The following SSH2 variants were observed in gnomAD, a reference collection of about 807,000 sequenced individuals.
SSH2 encodes the protein slingshot protein phosphatase 2, also known as protein phosphatase Slingshot homolog 2.
In SSH2, 37 loss-of-function variants were observed where a neutral mutation model predicts 135.2. That is an observed-to-expected ratio of 0.27 (90% CI 0.21 to 0.36). The LOEUF (loss-of-function observed/expected upper bound fraction) is 0.36. Among genes scored for constraint, SSH2 ranks in the 10% least tolerant of loss-of-function variants. The probability of loss-of-function intolerance (pLI) is 1.00; values close to 1 mark genes in which losing one functional copy is unlikely to be tolerated. For synonymous variants in SSH2, 628 were observed against 646.2 expected, an observed-to-expected ratio of 0.97 and a Z score of 0.43; for missense variants, 1,408 against 1,765.3, an observed-to-expected ratio of 0.80 and a Z score of 3.63.
At chr17:29,683,576 T>C (rs1426378298) in intron 6 of SSH2, among the ~76,000 whole-genome samples, 1 of 152,082 alleles carries the variant, frequency 6.6e-6, no homozygotes, top group East Asian at 1.9e-4. Flanking sequence ...CTGGGACTAC[T>C]GGTATACTAC....
intron 3 of SSH2, among the ~76,000 whole-genome samples, chr17:29,791,507 A>C (rs1444587369): frequency 1.3e-5 from 2 of 152,246 alleles, no homozygotes; most frequent in African/African-American, 4.8e-5. Flanking sequence ...ACAAACTGAC[A>C]AGATGAGTTC....
chr17:29,706,212 T>G (rs1392888316), intron 3 of SSH2, among the ~76,000 whole-genome samples: 1 of 152,230 alleles, frequency 6.6e-6, no homozygotes, highest in African/African-American at 2.4e-5. Context: ...AGATGTTTGA[T>G]GATAGATTAG....
intron 3 of SSH2, among the ~76,000 whole-genome samples, chr17:29,770,476 C>CTTT (rs766027039): frequency 2.9e-5 from 4 of 140,210 alleles, no homozygotes; most frequent in Non-Finnish European, 6.3e-5. Flanking sequence ...AATTAAGTCA[C>CTTT]TTTTTTTTTT....
At chr17:29,683,891 T>C (rs1489744348) in intron 6 of SSH2, among the ~76,000 whole-genome samples, 1 of 151,694 alleles carries the variant, frequency 6.6e-6, no homozygotes, top group African/African-American at 2.4e-5. Flanking sequence ...GAGGCCGTAG[T>C]GAGCTGTGAC....
intron 1 of SSH2, among the ~76,000 whole-genome samples, chr17:29,900,053 T>C (rs1238108831): frequency 2.0e-5 from 3 of 152,146 alleles, no homozygotes; most frequent in Non-Finnish European, 4.4e-5. Flanking sequence ...ATTTAATAAA[T>C]GGTGCTGGGA....
In SSH2 at chr17:29,631,332, C is replaced by A. The variant is rs557542995; in HGVS notation, c.3862G>T (p.Ala1288Ser). 6.2e-7 allele frequency: 1 copy of A among 1,614,082 alleles called. No homozygotes were observed. Among genetic ancestry groups the A allele is most frequent in the South Asian group, 1.1e-5 (1 of 91,074 alleles). ...PSQMRRSASLAKLGYLDLCKD... is the reference protein window; with the variant it reads ...PSQMRRSASLSKLGYLDLCKD... ...CAGAGGTCCAAGTAACCTAATTTGG[C>A]GAGAGAAGCTGAGCGCCTCATTTGG... The change falls in exon 16 of 16, where the codon GCC (alanine) becomes TCC (serine). Residue 1288 changes from alanine to serine, a missense_variant. By Grantham distance (99) the Ala-to-Ser change is moderately conservative. Transcript: ENST00000540801.
At chr17:29,872,526 G>A (rs535993247) in intron 1 of SSH2, among the ~76,000 whole-genome samples, 7 of 152,108 alleles carry the variant, frequency 4.6e-5, no homozygotes, top group South Asian at 2.1e-4. Flanking sequence ...AGGCTAAGGC[G>A]GGAAGACAGC....
intron 13 of SSH2, among the ~76,000 whole-genome samples, chr17:29,650,235 G>A (rs190707727): frequency 4.6e-4 from 70 of 152,310 alleles, no homozygotes; most frequent in Non-Finnish European, 9.3e-4. Context: ...TAAAGTAAGA[G>A]AGTAGGAAAA....
intron 2 of SSH2, among the ~76,000 whole-genome samples, chr17:29,830,735 T>C (rs922464301): frequency 6.6e-6 from 1 of 152,162 alleles, no homozygotes; most frequent in African/African-American, 2.4e-5. Context: ...CCTTAAGACA[T>C]AGGGGTCAGG....
rs915838860 is a variant in SSH2, at chr17:29,694,452, C to T, written c.357+1007G>A. On this transcript the variant is annotated intron_variant, in intron 5 of 15. Coordinates refer to ENST00000540801, the MANE Select transcript of SSH2 (RefSeq NM_001282129.2). Reference sequence around the variant, plus strand: ...TTGGGAGGCCAAGGTGGGTGGATCACGAGGTCAGGAGTTCGAGACCAGCCT... The same window carrying T: ...TTGGGAGGCCAAGGTGGGTGGATCATGAGGTCAGGAGTTCGAGACCAGCCT... Among the ~76,000 whole-genome samples, 6 of 152,256 alleles carry T rather than the reference C, an allele frequency of 3.9e-5. No homozygotes were observed. In the East Asian group the frequency reaches 9.7e-4, roughly 25 times the overall value.
At chr17:29,803,666 C>T (rs563075979) in intron 2 of SSH2, among the ~76,000 whole-genome samples, 15 of 152,118 alleles carry the variant, frequency 9.9e-5, no homozygotes, top group African/African-American at 1.4e-4. Context: ...AGCCATCTTT[C>T]GACCCTGGTG....
Position 29,691,893 on chromosome 17 carries a change from C to A in SSH2, c.357+3566G>T, listed in dbSNP as rs187568596. 4.6e-3 allele frequency among the ~76,000 whole-genome samples: 691 copies of A among 151,578 alleles called. 8 individuals carry two copies. Among genetic ancestry groups the A allele is most frequent in the African/African-American group, 0.016 (653 of 41,422 alleles). ...GTGGCTCATGCCTGTAATCCCAGCA[C>A]TTTGGGAGGCCGAGATGGGCAGATC... On this transcript the variant is annotated intron_variant, in intron 5 of 15. Transcript: ENST00000540801.
At chr17:29,714,720 G>C (rs999792527) in intron 3 of SSH2, among the ~76,000 whole-genome samples, 8 of 152,128 alleles carry the variant, frequency 5.3e-5, no homozygotes, top group Non-Finnish European at 1.2e-4. Context: ...CCCTCTGGAA[G>C]TCACGAGTTC....
intron 3 of SSH2, among the ~76,000 whole-genome samples, chr17:29,762,264 G>T (rs1461641820): frequency 6.6e-6 from 1 of 152,020 alleles, no homozygotes; most frequent in Non-Finnish European, 1.5e-5. Context: ...ACTAATGTTT[G>T]TAAGTAAATC....
intron 2 of SSH2, among the ~76,000 whole-genome samples, chr17:29,812,890 A>AAAAC (rs903101929): frequency 2.3e-4 from 35 of 151,890 alleles, no homozygotes; most frequent in Admixed American, 4.6e-4. Context: ...CTCCGTCACA[A>AAAAC]AAACAAACAA....
chr17:29,799,388 C>G (rs2042212034), intron 2 of SSH2, among the ~76,000 whole-genome samples: 1 of 152,196 alleles, frequency 6.6e-6, no homozygotes, highest in South Asian at 2.1e-4. Flanking sequence ...CTGATTTATA[C>G]TCTCACCAGA....
At chr17:29,750,730 T>C (rs2040908989) in intron 3 of SSH2, among the ~76,000 whole-genome samples, 1 of 151,504 alleles carries the variant, frequency 6.6e-6, no homozygotes, top group South Asian at 2.1e-4. Flanking sequence ...AAATGTATTT[T>C]TTTGGCCGGG....
At chr17:29,908,461 T>A (rs2066697160) in intron 1 of SSH2, among the ~76,000 whole-genome samples, 1 of 151,862 alleles carries the variant, frequency 6.6e-6, no homozygotes, top group Non-Finnish European at 1.5e-5. Context: ...GAAGACCCTG[T>A]CTCTTAAAGA....
In SSH2 at chr17:29,677,694, A is replaced by C. The variant is rs761790557; in HGVS notation, c.527T>G (p.Leu176Arg). The C allele has an allele frequency of 6.2e-7, 1 of 1,614,104 alleles. No individual in the cohort carries two copies. The highest frequency in any genetic ancestry group is 1.1e-5 in the South Asian group (1 of 91,088). Residue 176 changes from leucine (L) to arginine (R), a missense_variant, in exon 7 of 16, where the codon CTA becomes CGA. This residue lies in a region of SSH2 where 222 missense variants were observed against 355.6 expected (regional missense o/e 0.62). Transcript: ENST00000540801. ...GLVLPLWSDT[L>R]IHLDGDGGFS... ...TTACCCATCACCATCCAAATGAATT[A>C]GCGTGTCGCTCCAGAGAGGCAAAAC...
Sources: allele counts gnomAD v4.1 joint callset (sites outside exome capture counted in the v4.1 genomes callset), GRCh38; gene constraint gnomAD v4.1.1; regional missense constraint gnomAD v4.1.1; transcripts MANE v1.5; gene names NCBI Gene and HGNC (gene_info 2026-07-23, HGNC 2026-07-21).